SLC18B1: variants seen among roughly 807,000 people sequenced by gnomAD.
SLC18B1 encodes the protein MFS-type transporter SLC18B1.
Under a neutral mutation model 53.9 loss-of-function variants are expected in SLC18B1, and 62 were observed. The observed-to-expected ratio is 1.15, with a 90% CI of 0.94 to 1.42. The LOEUF (loss-of-function observed/expected upper bound fraction) is 1.42, where lower values mean the gene tolerates loss of function less well. SLC18B1 is among the 40% of genes most tolerant of loss of function. SLC18B1 has a pLI of 0.00. For synonymous variants in SLC18B1, 217 were observed against 200.9 expected, an observed-to-expected ratio of 1.08 and a Z score of -0.68; for missense variants, 598 against 547.3, an observed-to-expected ratio of 1.09 and a Z score of -0.93.
intron 1 of SLC18B1, among the ~76,000 whole-genome samples, chr6:132,797,949 GA>G (rs752495628): frequency 1.3e-5 from 2 of 151,906 alleles, no homozygotes; most frequent in African/African-American, 2.4e-5. Context: ...AAACTTAAGA[GA>G]AATACATTTG....
intron 11 of SLC18B1, 40 bp downstream of exon 11, chr6:132,772,092 C>CAA (rs200939302): frequency 3.0e-3 from 3,348 of 1,117,418 alleles, no homozygotes; most frequent in South Asian, 4.2e-3. Flanking sequence ...AACTCCATCT[C>CAA]AAAAAAAAAA....
chr6:132,798,556 C>A lies in SLC18B1; in HGVS notation c.-100G>T. 8.0e-7 allele frequency: 1 copy of A among 1,254,810 alleles called. No individual in the cohort carries two copies. Among genetic ancestry groups the A allele is most frequent in the Non-Finnish European group, 1.0e-6 (1 of 960,638 alleles). 77.7% of individuals were successfully genotyped at this position (1,254,810 alleles called of 1,614,324 possible). A position where few individuals can be genotyped will look rare whatever the true frequency, so the allele number is the denominator to read the frequency against. On this transcript the variant is annotated 5_prime_UTR_variant, in exon 1 of 14. Coordinates refer to ENST00000275227, the MANE Select transcript of SLC18B1 (RefSeq NM_052831.3). ...CTGGCACTCTGGCGGGCGGCCGCTG[C>A]TCAGCTGGAACCTGGCATCCCCGAC...
intron 6 of SLC18B1, among the ~76,000 whole-genome samples, chr6:132,780,881 A>T (rs1462525297): frequency 6.6e-6 from 1 of 152,070 alleles, no homozygotes; most frequent in African/African-American, 2.4e-5. Context: ...CTTAATTATA[A>T]GCCAAGTATT....
In SLC18B1 at chr6:132,788,607, G is replaced by C. The variant is rs539848225; in HGVS notation, c.354-1026C>G. ...AGGCTGAGGTGGGTGTATCCCCTGAGGTCAGGAGTTCGAGACCAGCCTGGC... is the reference window on the plus strand; with the variant it reads ...AGGCTGAGGTGGGTGTATCCCCTGACGTCAGGAGTTCGAGACCAGCCTGGC... On this transcript the variant is annotated intron_variant, in intron 4 of 13. Coordinates refer to ENST00000275227, the MANE Select transcript of SLC18B1 (RefSeq NM_052831.3). 1.7e-3 allele frequency among the ~76,000 whole-genome samples: 262 copies of C among 152,060 alleles called. 8 individuals are homozygous for C. In the South Asian group the frequency reaches 0.054, roughly 31 times the overall value.
intron 11 of SLC18B1, among the ~76,000 whole-genome samples, chr6:132,771,754 C>T (rs111406818): frequency 6.6e-6 from 1 of 152,270 alleles, no homozygotes; most frequent in African/African-American, 2.4e-5. Flanking sequence ...TCATCAACAT[C>T]AAGCAGGGAT....
chr6:132,779,209 A>G, intron 7 of SLC18B1, 59 bp downstream of exon 7: 1 of 1,593,516 alleles, frequency 6.3e-7, no homozygotes, highest in Non-Finnish European at 8.6e-7. Flanking sequence ...AGGGCCCAAG[A>G]ACAAGCAGTT....
Position 132,787,475 on chromosome 6 carries a change from T to C in SLC18B1, c.460A>G (p.Ile154Val), listed in dbSNP as rs923259478. ...FAAAMTASSS[I>V]LAKAFPNNVA... is the part of the protein sequence containing the mutation. ...TTATTTGGAAAAGCCTTTGCCAGGA[T>C]AGAAGAAGATGCAGTCATTGCTGCA... Residue 154 changes from isoleucine to valine, a missense_variant, in exon 5 of 14, where the codon ATC (isoleucine) becomes GTC (valine). Coordinates refer to ENST00000275227, the MANE Select transcript of SLC18B1 (RefSeq NM_052831.3). 3 of 1,604,794 alleles carry C rather than the reference T, an allele frequency of 1.9e-6. No homozygotes were observed. Among genetic ancestry groups the C allele is most frequent in the Non-Finnish European group, 8.5e-7 (1 of 1,177,110 alleles).
At chr6:132,794,080 C>T (rs780721243) in intron 2 of SLC18B1, among the ~76,000 whole-genome samples, 1 of 151,720 alleles carries the variant, frequency 6.6e-6, no homozygotes, top group Non-Finnish European at 1.5e-5. Context: ...CATCTCAATT[C>T]CACAGGCTCT....
At chr6:132,791,475 G>A (rs751673363) in intron 2 of SLC18B1, among the ~76,000 whole-genome samples, 1 of 151,720 alleles carries the variant, frequency 6.6e-6, no homozygotes, top group Non-Finnish European at 1.5e-5. Flanking sequence ...CTTTTTCAAG[G>A]ATTTTTTTTT....
chr6:132,776,025 C>T (rs765858901), intron 8 of SLC18B1, among the ~76,000 whole-genome samples: 4 of 152,184 alleles, frequency 2.6e-5, no homozygotes, highest in Non-Finnish European at 4.4e-5. Context: ...GCTATGATCG[C>T]ACCACTGCAC....
At chr6:132,773,349 A>G (rs1781023757) in intron 9 of SLC18B1, among the ~76,000 whole-genome samples, 1 of 152,062 alleles carries the variant, frequency 6.6e-6, no homozygotes, top group Non-Finnish European at 1.5e-5. Context: ...CACATATCAC[A>G]TATCTGGAGC....
rs752115270 is a variant in SLC18B1 at position 132,770,267 on chromosome 6, G to A, written c.*3C>T. 21 of 1,610,404 alleles carry A rather than the reference G, an allele frequency of 1.3e-5. No homozygotes were observed. The highest frequency in any genetic ancestry group is 5.5e-5 in the South Asian group (5 of 90,998). On this transcript the variant is annotated 3_prime_UTR_variant, in exon 14 of 14. Transcript: ENST00000275227. ...ACCTTGTATCAATCCAGGATCCATC[G>A]GACTAGGTTTCATTAGGCAAGAGAG...
Position 132,770,266 on chromosome 6 carries a change from C to G in SLC18B1, c.*4G>C, listed in dbSNP as rs759534156. 8.1e-6 allele frequency: 13 copies of G among 1,610,230 alleles called. No individual in the cohort carries two copies. The highest frequency in any genetic ancestry group is 1.3e-5 in the African/African-American group (1 of 74,854). On this transcript the variant is annotated 3_prime_UTR_variant, in exon 14 of 14. Transcript: ENST00000275227. ...AACCTTGTATCAATCCAGGATCCAT[C>G]GGACTAGGTTTCATTAGGCAAGAGA...
intron 2 of SLC18B1, among the ~76,000 whole-genome samples, chr6:132,792,142 C>T (rs1036279217): frequency 1.9e-4 from 28 of 150,718 alleles, no homozygotes; most frequent in Non-Finnish European, 3.4e-4. Flanking sequence ...GCAGGACAAT[C>T]ACTTGAACCC....
chr6:132,770,463 T>C (rs1410896973), intron 13 of SLC18B1, 127 bp from the exon 14 acceptor site: 1 of 768,620 alleles, frequency 1.3e-6, no homozygotes, highest in Non-Finnish European at 2.1e-6. Context: ...TGCCCGGGCA[T>C]GGTGGCTCAC....
At chr6:132,784,933 C>T (rs1781330950) in intron 5 of SLC18B1, among the ~76,000 whole-genome samples, 1 of 151,576 alleles carries the variant, frequency 6.6e-6, no homozygotes, top group Non-Finnish European at 1.5e-5. Flanking sequence ...GGAAGATCTC[C>T]AAGATGATTT....
chr6:132,786,873 G>A (rs992447006), intron 5 of SLC18B1, among the ~76,000 whole-genome samples: 4 of 152,154 alleles, frequency 2.6e-5, no homozygotes, highest in African/African-American at 9.7e-5. Context: ...TACGCATCTA[G>A]GCAGTACACA....
intron 8 of SLC18B1, among the ~76,000 whole-genome samples, chr6:132,776,123 CT>C (rs1158751299): frequency 2.0e-5 from 3 of 152,150 alleles, no homozygotes; most frequent in Non-Finnish European, 4.4e-5. Flanking sequence ...GACTCTTCCT[CT>C]TTTCCCAGGT....
At chr6:132,792,272 AAAGAAAGAAAGGAAGAAAGG>A (rs1781551437) in intron 2 of SLC18B1, among the ~76,000 whole-genome samples, 1 of 52,658 alleles carries the variant, frequency 1.9e-5, no homozygotes, top group Admixed American at 1.7e-4. Context: ...AGAAAGAAAG[AAAGAAAGAAAGGAAGAAAGG>A]AAGGAAGGAA....
Sources: gnomAD v4.1 joint callset for allele counts (sites outside exome capture counted in the v4.1 genomes callset) on GRCh38, gnomAD v4.1.1 for gene constraint, MANE v1.5 for transcripts, NCBI Gene and HGNC (gene_info 2026-07-23, HGNC 2026-07-21) for gene names.